Variants in ENTPD3 observed in about 807,000 individuals in gnomAD.
ENTPD3 encodes ectonucleoside triphosphate diphosphohydrolase 3.
A neutral mutation model predicts 51.2 loss-of-function variants in ENTPD3; 60 were observed. The observed-to-expected ratio is 1.17, with a 90% CI of 0.95 to 1.45. The LOEUF is 1.45. Ranked by LOEUF, ENTPD3 falls within the 40% of genes most tolerant of loss-of-function variation. The pLI is 0.00. For missense variants in ENTPD3, 593 were observed against 641.1 expected (o/e 0.93, Z 0.81); for synonymous variants, 221 against 238.4 (o/e 0.93, Z 0.67).
rs573909644 is a variant in ENTPD3 at position 40,393,163 on chromosome 3, G to A, written c.168+1013G>A. Among the ~76,000 whole-genome samples the A allele has an allele frequency of 2.4e-4, 36 of 152,260 alleles. No homozygotes were observed. The South Asian group carries it at 7.5e-3, about 32-fold the overall frequency. On this transcript the variant is annotated intron_variant, in intron 3 of 10. Transcript: ENST00000301825. Reference sequence around the variant, plus strand: ...GTGATTCCATGAGAGGCTGACAAGGGAAAGATGAAGCAAGTTGATGAGTCC... The same window carrying A: ...GTGATTCCATGAGAGGCTGACAAGGAAAAGATGAAGCAAGTTGATGAGTCC...
intron 1 of ENTPD3, 48 bp from the exon 2 acceptor site, chr3:40,387,998 A>G: frequency 1.3e-6 from 2 of 1,499,352 alleles, no homozygotes; most frequent in Non-Finnish European, 1.9e-6. Context: ...TAAACTTGTG[A>G]GGCCGGGGCG....
chr3:40,424,066 C>T, intron 10 of ENTPD3, 103 bp downstream of exon 10: 1 of 1,560,216 alleles, frequency 6.4e-7, no homozygotes, highest in South Asian at 1.2e-5. Context: ...ATGAGTTAAA[C>T]TCACTGGGTG....
chr3:40,392,689 C>T (rs1055141908), intron 3 of ENTPD3: 13 of 152,332 alleles, frequency 8.5e-5, no homozygotes, highest in Admixed American at 7.9e-4. Flanking sequence ...AGCACAGTGG[C>T]TCATGTCTGT....
intron 7 of ENTPD3, among the ~76,000 whole-genome samples, chr3:40,417,616 T>C (rs1430548163): frequency 3.3e-5 from 5 of 152,010 alleles, no homozygotes; most frequent in Non-Finnish European, 7.4e-5. Context: ...ATGGCTCCCA[T>C]CCCAACTTCC....
At chr3:40,425,928 A>G (rs1955973088) in intron 10 of ENTPD3, among the ~76,000 whole-genome samples, 2 of 151,230 alleles carry the variant, frequency 1.3e-5, no homozygotes, top group Admixed American at 6.6e-5. Flanking sequence ...ATTAAAAAAA[A>G]CAGAAAACGA....
chr3:40,416,137 G>C, intron 7 of ENTPD3, 64 bp downstream of exon 7: 3 of 1,199,274 alleles, frequency 2.5e-6, no homozygotes, highest in South Asian at 1.3e-5. Context: ...AGGGGAGAAT[G>C]CCCTGCCTTC....
At chr3:40,408,664 G>A (rs1415636367) in intron 4 of ENTPD3, among the ~76,000 whole-genome samples, 1 of 152,180 alleles carries the variant, frequency 6.6e-6, no homozygotes, top group East Asian at 1.9e-4. Flanking sequence ...TGAGAGAATT[G>A]TGTGTCTTTT....
intron 4 of ENTPD3, among the ~76,000 whole-genome samples, chr3:40,402,111 C>CTTT (rs775322652): frequency 1.2e-4 from 12 of 97,318 alleles, no homozygotes; most frequent in South Asian, 3.5e-4. Flanking sequence ...ATTTCCTTTC[C>CTTT]TTTTTTTTTT....
chr3:40,388,763 C>CATTTAGGAAAT (rs1251074000), intron 2 of ENTPD3, among the ~76,000 whole-genome samples: 3 of 152,164 alleles, frequency 2.0e-5, no homozygotes, highest in Non-Finnish European at 4.4e-5. Context: ...CAGCACAGCT[C>CATTTAGGAAAT]TAGGCTGCAT....
intron 4 of ENTPD3, among the ~76,000 whole-genome samples, chr3:40,410,468 A>G (rs1000413919): frequency 2.0e-5 from 3 of 151,826 alleles, no homozygotes; most frequent in South Asian, 4.2e-4. Context: ...AGAGAAAAAG[A>G]TATCACTATT....
At chr3:40,420,671 C>T (rs1466236) in intron 7 of ENTPD3, among the ~76,000 whole-genome samples, 67,617 of 151,896 alleles carry the variant, frequency 0.45, 17,028 homozygotes, top group African/African-American at 0.68. Context: ...TGTTTGCCTC[C>T]TTCTCAGTCA....
chr3:40,423,355 C>T lies in ENTPD3; in HGVS notation c.1169C>T (p.Thr390Ile), dbSNP rs753294818. 5 of 1,614,040 alleles carry T rather than the reference C, an allele frequency of 3.1e-6. No individual in the cohort carries two copies. The highest frequency in any genetic ancestry group is 2.2e-5 in the East Asian group (1 of 44,868). ...LNLSGSFSLDTFNSSTWNFCS... is the reference protein window; with the variant it reads ...LNLSGSFSLDIFNSSTWNFCS... ...CTTTCAGGTAGCTTTTCCCTGGACA[C>T]CTTCAACTCCAGCACCTGGAATTTC... The change falls in exon 9 of 11, where the codon ACC (threonine) becomes ATC (isoleucine). Residue 390 changes from threonine to isoleucine, a missense_variant. Transcript: ENST00000301825.
chr3:40,397,119 C>CTTTTTTTTTCTTT (rs1955222508), intron 3 of ENTPD3, among the ~76,000 whole-genome samples: 1 of 101,244 alleles, frequency 9.9e-6, no homozygotes, highest in Non-Finnish European at 1.8e-5. Flanking sequence ...TAATTAGTTT[C>CTTTTTTTTTCTTT]TTTTTTTTTT....
In ENTPD3 at chr3:40,427,577, G is replaced by C; in HGVS notation, c.*69G>C. The stretch of plus-strand genomic sequence containing the variant: ...GCCTGGGTGGCACCAGGCAATGCAG[G>C]TGAAGTGGCTGCCTTCAGGAAATAC... On this transcript the variant is annotated 3_prime_UTR_variant, in exon 11 of 11. Transcript: ENST00000301825. 1 of 1,172,076 alleles carries C rather than the reference G, an allele frequency of 8.5e-7. No individual in the cohort carries two copies. Among genetic ancestry groups the C allele is most frequent in the Non-Finnish European group, 1.3e-6 (1 of 787,270 alleles). The allele number at this position is 1,172,076 out of a possible 1,614,324, so 72.6% of individuals were successfully genotyped here.
chr3:40,409,850 G>A (rs1449519365), intron 4 of ENTPD3, among the ~76,000 whole-genome samples: 1 of 152,032 alleles, frequency 6.6e-6, no homozygotes, highest in Non-Finnish European at 1.5e-5. Context: ...GCTATGGAGT[G>A]GCCACTAGGA....
At chr3:40,417,488 T>C (rs1955773018) in intron 7 of ENTPD3, among the ~76,000 whole-genome samples, 1 of 152,048 alleles carries the variant, frequency 6.6e-6, no homozygotes, top group African/African-American at 2.4e-5. Context: ...TCACTCACTA[T>C]CATGAGAACA....
At chr3:40,420,594 A>G (rs536670691) in intron 7 of ENTPD3, among the ~76,000 whole-genome samples, 1 of 152,226 alleles carries the variant, frequency 6.6e-6, no homozygotes, top group African/African-American at 2.4e-5. Flanking sequence ...ATGATATGCT[A>G]TAGATTATAT....
chr3:40,427,280 T>TAGCA lies in ENTPD3; in HGVS notation c.1363_1366dup (p.Ser456LysfsTer20), dbSNP rs750407885. The stretch of plus-strand genomic sequence containing the variant: ...TCTCCTCTACTCCACAGGTGGGGAA[T>TAGCA]AGCAGCATAGCCTGGTCTCTTGGCT... On this transcript the variant is annotated frameshift_variant, in exon 11 of 11. Transcript: ENST00000301825. LOFTEE classifies it low-confidence loss of function (END_TRUNC). The TAGCA allele has an allele frequency of 6.2e-7, 1 of 1,613,990 alleles. No individual in the cohort carries two copies. Among genetic ancestry groups the TAGCA allele is most frequent in the Admixed American group, 1.7e-5 (1 of 60,020 alleles).
intron 7 of ENTPD3, among the ~76,000 whole-genome samples, chr3:40,418,254 G>C (rs1420327153): frequency 6.6e-6 from 1 of 152,172 alleles, no homozygotes; most frequent in Non-Finnish European, 1.5e-5. Context: ...ACTCATGCAA[G>C]AGGAGAGACC....
Sources: allele counts gnomAD v4.1 joint callset (sites outside exome capture counted in the v4.1 genomes callset), GRCh38; gene constraint gnomAD v4.1.1; transcripts MANE v1.5; gene names NCBI Gene and HGNC (gene_info 2026-07-23, HGNC 2026-07-21).